Variants in INSC observed in about 807,000 individuals in gnomAD.
The protein encoded by INSC is INSC spindle orientation adaptor protein, also known as protein inscuteable homolog.
INSC carries 67 observed loss-of-function variants against 58.6 expected under a neutral mutation model. The ratio of observed to expected loss-of-function variants is 1.14; its 90% CI spans 0.94 to 1.40. The LOEUF (loss-of-function observed/expected upper bound fraction) is 1.40. Ranked by LOEUF, INSC falls within the 40% of genes most tolerant of loss-of-function variation. The pLI, the probability that INSC is intolerant of heterozygous loss-of-function variation, is 0.00. For synonymous variants in INSC, 262 were observed against 276.1 expected (o/e 0.95, Z 0.51); for missense variants, 714 against 692.0 (o/e 1.03, Z -0.36).
chr11:15,124,196 C>CTATGG (rs1847936531), intron 1 of INSC, among the ~76,000 whole-genome samples: 1 of 152,210 alleles, frequency 6.6e-6, no homozygotes, highest in South Asian at 2.1e-4. Context: ...TCCTGTATCC[C>CTATGG]TCTTTTCTAT....
intron 5 of INSC, among the ~76,000 whole-genome samples, chr11:15,188,037 ACT>A (rs1850035826): frequency 2.0e-5 from 3 of 152,154 alleles, no homozygotes; most frequent in Non-Finnish European, 2.9e-5. Context: ...GAAGGAAAAG[ACT>A]CAGACAGGGA....
chr11:15,258,373 G>C, the INSC span, among the ~76,000 whole-genome samples: 1 of 152,160 alleles, frequency 6.6e-6, no homozygotes, highest in South Asian at 2.1e-4. Flanking sequence ...AGCTGGCATA[G>C]AGAGAGATTT....
chr11:15,228,396 C>T (rs912417479), intron 9 of INSC, among the ~76,000 whole-genome samples: 5 of 152,214 alleles, frequency 3.3e-5, no homozygotes, highest in Non-Finnish European at 4.4e-5. Flanking sequence ...GTTCTCTCTG[C>T]ACCTGGAGTC....
Position 15,246,350 on chromosome 11 carries a change from A to G in INSC, c.*310A>G, listed in dbSNP as rs556242672. On this transcript the variant is annotated 3_prime_UTR_variant, in exon 13 of 13. Coordinates refer to ENST00000379556, the MANE Select transcript of INSC (RefSeq NM_001042536.3). ...TCATCTTATTTTTTCTACTCTCACT[A>G]TACAATCTTGCCTCATTTTTTAAAA... 7.2e-5 allele frequency: 13 copies of G among 181,734 alleles called. No homozygotes were observed. The South Asian group carries it at 9.3e-4, about 13-fold the overall frequency. The allele number at this position is 181,734 out of a possible 1,614,324, so 11.3% of individuals were successfully genotyped here.
intron 7 of INSC, among the ~76,000 whole-genome samples, chr11:15,213,251 C>A (rs1047538878): frequency 2.6e-5 from 4 of 152,032 alleles, no homozygotes; most frequent in African/African-American, 9.7e-5. Context: ...CAGAGTGAGA[C>A]CTTGTCTCAA....
At chr11:15,149,265 G>T in intron 2 of INSC, 35 bp downstream of exon 2, 1 of 1,478,354 alleles carries the variant, frequency 6.8e-7, no homozygotes, top group Middle Eastern at 2.1e-4. Flanking sequence ...GGCCAGGCCT[G>T]CCCCATCTGA....
intron 5 of INSC, among the ~76,000 whole-genome samples, chr11:15,183,896 G>A (rs1026235642): frequency 1.3e-5 from 2 of 152,072 alleles, no homozygotes; most frequent in Admixed American, 6.5e-5. Context: ...AATATTTTCT[G>A]AAATATTTAT....
chr11:15,159,061 C>T (rs1326412730), intron 2 of INSC, among the ~76,000 whole-genome samples: 4 of 152,158 alleles, frequency 2.6e-5, no homozygotes, highest in Non-Finnish European at 4.4e-5. Context: ...GGCAACTTCT[C>T]CTGGCCTCTT....
chr11:15,223,968 T>C (rs1851539304), intron 8 of INSC, among the ~76,000 whole-genome samples: 1 of 152,156 alleles, frequency 6.6e-6, no homozygotes, highest in Non-Finnish European at 1.5e-5. Context: ...TGGGAATAAG[T>C]CAGAGGCTGA....
chr11:15,201,716 C>T (rs1850600151), intron 7 of INSC, among the ~76,000 whole-genome samples: 2 of 152,130 alleles, frequency 1.3e-5, no homozygotes, highest in African/African-American at 2.4e-5. Flanking sequence ...ACCAAGTTTC[C>T]AGGAAAGATG....
chr11:15,245,788 T>A (rs778661204), intron 12 of INSC, 124 bp from the exon 13 acceptor site: 2 of 1,317,136 alleles, frequency 1.5e-6, no homozygotes, highest in Non-Finnish European at 2.1e-6. Context: ...AACATGATGA[T>A]CAACCCAAAT....
intron 6 of INSC, among the ~76,000 whole-genome samples, chr11:15,194,840 A>G (rs1473521287): frequency 6.6e-6 from 1 of 152,206 alleles, no homozygotes; most frequent in Non-Finnish European, 1.5e-5. Context: ...TTCTGGTTCA[A>G]TCTTTGGCCC....
chr11:15,235,748 T>C, intron 10 of INSC, 80 bp downstream of exon 10: 3 of 1,161,314 alleles, frequency 2.6e-6, no homozygotes, highest in Non-Finnish European at 3.9e-6. Flanking sequence ...TGTGAATGCC[T>C]GTGCAGGTAT....
Position 15,229,460 on chromosome 11 carries a change from A to G in INSC, c.1170+3632A>G, listed in dbSNP as rs951161999. ...CAGGTTTTTAGTTCAGACAGATTTG[A>G]GTTCACATTCTGGTTCTGCCATTTC... On this transcript the variant is annotated intron_variant, in intron 9 of 12. Transcript: ENST00000379556. Among the ~76,000 whole-genome samples the G allele has an allele frequency of 3.9e-5, 6 of 152,298 alleles. No individual in the cohort carries two copies. The South Asian group carries it at 8.3e-4, about 21-fold the overall frequency.
chr11:15,116,908 C>T (rs1394380994), intron 1 of INSC, among the ~76,000 whole-genome samples: 1 of 58,714 alleles, frequency 1.7e-5, no homozygotes, highest in Non-Finnish European at 3.4e-5. Flanking sequence ...TCCCTCCCTC[C>T]CTCCCTCCCT....
At chr11:15,119,903 T>C (rs551234601) in intron 1 of INSC, among the ~76,000 whole-genome samples, 1 of 152,354 alleles carries the variant, frequency 6.6e-6, no homozygotes, top group East Asian at 1.9e-4. Flanking sequence ...GGAAAGTTTA[T>C]TTGAAATTCA....
chr11:15,251,459 A>G (rs895910504), downstream of INSC, among the ~76,000 whole-genome samples: 2 of 152,234 alleles, frequency 1.3e-5, no homozygotes, highest in African/African-American at 4.8e-5. Flanking sequence ...CCAATAAGAA[A>G]GTGAAAAGGC....
At chr11:15,159,069 C>G (rs911876803) in intron 2 of INSC, among the ~76,000 whole-genome samples, 8 of 152,160 alleles carry the variant, frequency 5.3e-5, no homozygotes, top group Admixed American at 5.2e-4. Flanking sequence ...CTCCTGGCCT[C>G]TTGCACCTGG....
At chr11:15,201,428 AG>A (rs1455349557) in intron 7 of INSC, among the ~76,000 whole-genome samples, 1 of 152,056 alleles carries the variant, frequency 6.6e-6, no homozygotes, top group Non-Finnish European at 1.5e-5. Context: ...TGGGTGAGGG[AG>A]GTGGAAGCCC....
Sources: gnomAD v4.1 joint callset for allele counts (sites outside exome capture counted in the v4.1 genomes callset) on GRCh38, gnomAD v4.1.1 for gene constraint, MANE v1.5 for transcripts, NCBI Gene and HGNC (gene_info 2026-07-23, HGNC 2026-07-21) for gene names.